SLC44A5: variants seen among roughly 807,000 people sequenced by gnomAD.
The protein encoded by SLC44A5 is choline transporter-like protein 5.
SLC44A5 carries 57 observed loss-of-function variants against 101.8 expected under a neutral mutation model. The observed-to-expected ratio is 0.56, with a 90% CI of 0.45 to 0.70. The LOEUF (loss-of-function observed/expected upper bound fraction) is 0.70, where lower values mean the gene tolerates loss of function less well. SLC44A5 is among the 30% of genes least tolerant of loss of function. The pLI is 0.00. For missense variants in SLC44A5, 737 were observed against 853.1 expected (o/e 0.86, Z 1.70); for synonymous variants, 281 against 290.9 (o/e 0.97, Z 0.35).
intron 2 of SLC44A5, among the ~76,000 whole-genome samples, chr1:75,506,530 T>C (rs1387504641): frequency 1.3e-5 from 2 of 152,158 alleles, no homozygotes; most frequent in East Asian, 3.9e-4. Context: ...TCAGCAGTGT[T>C]TCGTAGTTCT....
At chr1:75,638,851 T>C in the SLC44A5 span, among the ~76,000 whole-genome samples, 1 of 152,230 alleles carries the variant, frequency 6.6e-6, no homozygotes, top group African/African-American at 2.4e-5. Context: ...CTGTTGTGAA[T>C]AGTGCTGCAA....
At chr1:75,484,443 G>A (rs111747256) in intron 2 of SLC44A5, among the ~76,000 whole-genome samples, 1 of 152,314 alleles carries the variant, frequency 6.6e-6, no homozygotes, top group Non-Finnish European at 1.5e-5. Context: ...CTCATATCCA[G>A]CACACACTGA....
the SLC44A5 span, among the ~76,000 whole-genome samples, chr1:75,693,963 G>C: frequency 6.6e-6 from 1 of 151,856 alleles, no homozygotes; most frequent in East Asian, 1.9e-4. Context: ...ATGAGAACTG[G>C]AGGCATTAGG....
chr1:75,645,065 T>C, the SLC44A5 span, among the ~76,000 whole-genome samples: 1 of 152,142 alleles, frequency 6.6e-6, no homozygotes, highest in Non-Finnish European at 1.5e-5. Flanking sequence ...TTTGCTATTG[T>C]GAATAGTGCC....
chr1:75,484,274 C>T (rs1668033294), intron 2 of SLC44A5, among the ~76,000 whole-genome samples: 1 of 152,218 alleles, frequency 6.6e-6, no homozygotes, highest in Admixed American at 6.5e-5. Context: ...TTAGTTACTT[C>T]CAAGATGCAA....
At chr1:75,707,418 A>C in the SLC44A5 span, among the ~76,000 whole-genome samples, 2 of 152,178 alleles carry the variant, frequency 1.3e-5, no homozygotes, top group African/African-American at 4.8e-5. Flanking sequence ...AGATGATCAA[A>C]CGTCAGTTCC....
At chr1:75,548,803 T>C (rs1011035930) in intron 1 of SLC44A5, among the ~76,000 whole-genome samples, 5 of 152,134 alleles carry the variant, frequency 3.3e-5, no homozygotes, top group South Asian at 2.1e-4. Context: ...GATGAAGAAA[T>C]TGATACAAAG....
chr1:75,461,107 C>A (rs1203745408), intron 2 of SLC44A5, among the ~76,000 whole-genome samples: 2 of 151,940 alleles, frequency 1.3e-5, no homozygotes, highest in African/African-American at 4.8e-5. Flanking sequence ...AACAAAATGT[C>A]ATGCACCATT....
At chr1:75,484,667 CT>C (rs1258343647) in intron 2 of SLC44A5, among the ~76,000 whole-genome samples, 7 of 152,304 alleles carry the variant, frequency 4.6e-5, no homozygotes, top group Non-Finnish European at 8.8e-5. Flanking sequence ...CTGCATTGCC[CT>C]CCCCTCTGCA....
At chr1:75,248,851 G>C (rs1649334027) in intron 7 of SLC44A5, among the ~76,000 whole-genome samples, 1 of 152,076 alleles carries the variant, frequency 6.6e-6, no homozygotes, top group Non-Finnish European at 1.5e-5. Context: ...AAGTGAAAGG[G>C]GACAATGGAA....
intron 1 of SLC44A5, among the ~76,000 whole-genome samples, chr1:75,573,154 AGGAAATAGTATAT>A (rs1673170911): frequency 7.1e-6 from 1 of 141,820 alleles, no homozygotes; most frequent in African/African-American, 2.6e-5. Flanking sequence ...AAAAAAAAAA[AGGAAATAGTATAT>A]AAAGGTACTA....
At chr1:75,711,944 A>G in the SLC44A5 span, among the ~76,000 whole-genome samples, 2 of 152,176 alleles carry the variant, frequency 1.3e-5, no homozygotes, top group South Asian at 2.1e-4. Context: ...GTTTCTTTTC[A>G]AATCCCTCCA....
At chr1:75,654,819 A>G in the SLC44A5 span, among the ~76,000 whole-genome samples, 3 of 152,152 alleles carry the variant, frequency 2.0e-5, no homozygotes, top group Admixed American at 2.0e-4. Context: ...CAATTTTATT[A>G]TTAATACTCT....
At chr1:75,448,202 A>G (rs1292561485) in intron 2 of SLC44A5, among the ~76,000 whole-genome samples, 1 of 152,180 alleles carries the variant, frequency 6.6e-6, no homozygotes, top group Non-Finnish European at 1.5e-5. Flanking sequence ...TGAGTAGAAC[A>G]AAGGCAGTGG....
At chr1:75,671,572 A>G in the SLC44A5 span, among the ~76,000 whole-genome samples, 1 of 152,210 alleles carries the variant, frequency 6.6e-6, no homozygotes, top group Admixed American at 6.6e-5. Context: ...CCTCCATCTT[A>G]TTCACAGTTC....
chr1:75,251,823 T>C (rs1410296151), intron 6 of SLC44A5, among the ~76,000 whole-genome samples: 1 of 152,220 alleles, frequency 6.6e-6, no homozygotes, highest in Non-Finnish European at 1.5e-5. Context: ...TGATACTTTC[T>C]CTCTGCTGAA....
chr1:75,219,959 TC>T, intron 14 of SLC44A5, 67 bp from the exon 15 acceptor site: 1 of 995,110 alleles, frequency 1.0e-6, no homozygotes, highest in Admixed American at 2.7e-5. Context: ...CTGAATTGAT[TC>T]TAAGAAAACT....
intron 2 of SLC44A5, among the ~76,000 whole-genome samples, chr1:75,410,786 C>T (rs573982795): frequency 2.6e-5 from 4 of 152,168 alleles, no homozygotes; most frequent in African/African-American, 7.2e-5. Context: ...GTGCTTATTA[C>T]ACTTATTTAC....
At chr1:75,709,502 T>C in the SLC44A5 span, among the ~76,000 whole-genome samples, 54 of 152,344 alleles carry the variant, frequency 3.5e-4, no homozygotes, top group Middle Eastern at 6.8e-3. Context: ...CTTTGAAGTA[T>C]GATAGTGGGG....
Sources: allele counts gnomAD v4.1 joint callset (sites outside exome capture counted in the v4.1 genomes callset), GRCh38; gene constraint gnomAD v4.1.1; transcripts MANE v1.5; gene names NCBI Gene and HGNC (gene_info 2026-07-23, HGNC 2026-07-21).